Variants in F10 observed in about 807,000 individuals in gnomAD.
F10 encodes Stuart-Prower factor.
In F10, 29 loss-of-function variants were observed where a neutral mutation model predicts 37.1. The observed-to-expected ratio is 0.78, with a 90% confidence interval of 0.58 to 1.07. F10 has a LOEUF of 1.07. Among genes scored for constraint, F10 ranks in the 50% least tolerant of loss-of-function variants. The probability of loss-of-function intolerance (pLI) is 0.00; values close to 1 mark genes in which losing one functional copy is unlikely to be tolerated. For synonymous variants in F10, 262 were observed against 268.6 expected (o/e 0.98, Z 0.24); for missense variants, 539 against 667.9 (o/e 0.81, Z 2.13).
rs2036561742 is a variant in F10 at position 113,144,402 on chromosome 13, G to A, written c.747+307G>A. Among the ~76,000 whole-genome samples, 1 of 152,234 alleles carries A rather than the reference G, an allele frequency of 6.6e-6. No homozygotes were observed. Among genetic ancestry groups the A allele is most frequent in the Admixed American group, 6.5e-5 (1 of 15,288 alleles). On this transcript the variant is annotated intron_variant, in intron 6 of 7. Transcript: ENST00000375559. The surrounding 1 kb of genome is among the most constrained non-coding windows in gnomAD (Gnocchi z 6.4). Reference sequence around the variant, plus strand: ...GGCATGCCCAGGACGATGCTGTCCTGTGAAACAGAAGAGAGGGAGAAGGCG... The same window carrying A: ...GGCATGCCCAGGACGATGCTGTCCTATGAAACAGAAGAGAGGGAGAAGGCG...
At chr13:113,135,070 G>C (rs958103910) in intron 2 of F10, among the ~76,000 whole-genome samples, 1 of 151,788 alleles carries the variant, frequency 6.6e-6, no homozygotes, top group Non-Finnish European at 1.5e-5. Flanking sequence ...GTGAAACCCC[G>C]TCTCTACTAA....
intron 2 of F10, among the ~76,000 whole-genome samples, chr13:113,138,224 A>G (rs2036496808): frequency 6.6e-6 from 1 of 152,234 alleles, no homozygotes; most frequent in Non-Finnish European, 1.5e-5. Flanking sequence ...AATATTTTCA[A>G]TATTCAACAA....
At chr13:113,148,469 T>C (rs192684761) in intron 7 of F10, among the ~76,000 whole-genome samples, 69 of 151,922 alleles carry the variant, frequency 4.5e-4, no homozygotes, top group African/African-American at 1.4e-3. Flanking sequence ...ACTTTTTCCA[T>C]GTGTAATCAT....
rs934423705 is a variant in F10 at position 113,143,668 on chromosome 13, C to T, written c.503-183C>T. On this transcript the variant is annotated intron_variant, in intron 5 of 7. Coordinates refer to ENST00000375559, the MANE Select transcript of F10 (RefSeq NM_000504.4). This position sits in a 1 kb window ranked among gnomAD's most constrained non-coding sequence, Gnocchi z 6.8. ...GGGGAGGCCAACGCTCGGACAGCTG[C>T]GCTCACCTGCAGATCCGACCCCTGC... is the stretch of plus-strand genomic sequence containing the variant. Among the ~76,000 whole-genome samples, 3 of 152,106 alleles carry T rather than the reference C, an allele frequency of 2.0e-5. No individual in the cohort carries two copies. Among genetic ancestry groups the T allele is most frequent in the Non-Finnish European group, 2.9e-5 (2 of 68,016 alleles).
chr13:113,134,328 CTGGG>C (rs1190063392), intron 2 of F10, among the ~76,000 whole-genome samples: 1 of 152,176 alleles, frequency 6.6e-6, no homozygotes, highest in African/African-American at 2.4e-5. Context: ...CTACCCGAGA[CTGGG>C]TAATTTATAA....
At chr13:113,142,978 C>G (rs1049222666) in intron 5 of F10, among the ~76,000 whole-genome samples, 5 of 151,944 alleles carry the variant, frequency 3.3e-5, no homozygotes, top group Non-Finnish European at 7.4e-5. Context: ...GAACTCAGAA[C>G]TTGGAAGGGT....
intron 2 of F10, chr13:113,130,129 G>A (rs693335): frequency 2.5e-4 from 48 of 193,492 alleles, no homozygotes; most frequent in Non-Finnish European, 4.4e-4. Context: ...GAGGCCGGGC[G>A]GCGAACCCGG....
At chr13:113,142,307 C>T (rs1466094734) in intron 5 of F10, among the ~76,000 whole-genome samples, 1 of 151,698 alleles carries the variant, frequency 6.6e-6, no homozygotes, top group Non-Finnish European at 1.5e-5. Flanking sequence ...TTTGGGAGGC[C>T]AAGGCGGGCG....
chr13:113,122,920 A>G lies in F10; in HGVS notation c.65A>G (p.Glu22Gly), dbSNP rs778995263. ...CTGGCTGGCCTCCTGCTGCTCGGGG[A>G]AAGTCGTAAGTGCCCCTCGCCCTTC... is the stretch of plus-strand genomic sequence containing the variant. ...ASLAGLLLLG[E>G]SLFIRREQAN... Residue 22 changes from glutamate (E) to glycine (G), a missense_variant, in exon 1 of 8, where the codon GAA becomes GGA. By Grantham distance (98) the Glu-to-Gly change is moderately conservative (BLOSUM62 -2). Transcript: ENST00000375559. 36 of 1,609,738 alleles carry G rather than the reference A, an allele frequency of 2.2e-5. No individual in the cohort carries two copies. The highest frequency in any genetic ancestry group is 3.0e-5 in the Non-Finnish European group (35 of 1,179,992).
intron 2 of F10, among the ~76,000 whole-genome samples, chr13:113,135,255 A>C (rs2036468100): frequency 6.6e-6 from 1 of 152,102 alleles, no homozygotes; most frequent in South Asian, 2.1e-4. Flanking sequence ...AAAAAAAAAA[A>C]AACAAAAGAA....
chr13:113,127,489 G>C (rs1023379478), intron 1 of F10, among the ~76,000 whole-genome samples: 1 of 152,184 alleles, frequency 6.6e-6, no homozygotes, highest in Non-Finnish European at 1.5e-5. Flanking sequence ...AAAATGAAAA[G>C]AGGAGGAGGA....
In F10 at chr13:113,139,478, C is replaced by A; in HGVS notation, c.370+8C>A. 1 of 1,608,680 alleles carries A rather than the reference C, an allele frequency of 6.2e-7. No homozygotes were observed. The highest frequency in any genetic ancestry group is 8.5e-7 in the Non-Finnish European group (1 of 1,175,100). On this transcript the variant is annotated splice_region_variant and intron_variant, in intron 4 of 7. Transcript: ENST00000375559. This position sits in a 1 kb window ranked among gnomAD's most constrained non-coding sequence, Gnocchi z 5.2. ...GCAAAAACTGTGAATTATGTAGGTT[C>A]CTCTGCTTGGTATACCTTCAGATCA...
In F10 at chr13:113,143,859, C is replaced by G. The variant is rs750596530; in HGVS notation, c.511C>G (p.Pro171Ala). ...GKACIPTGPY[P>A]CGKQTLERRK... ...CGTCCTCTTTCTTTCAGGGCCCTAC[C>G]CCTGTGGGAAACAGACCCTGGAACG... is the stretch of plus-strand genomic sequence containing the variant. The change falls in exon 6 of 8, where the codon CCC becomes GCC. Residue 171 changes from proline (P) to alanine (A), a missense_variant. Physicochemically the swap from Pro to Ala is conservative, Grantham distance 27. Coordinates refer to ENST00000375559, the MANE Select transcript of F10 (RefSeq NM_000504.4). This position sits in a 1 kb window ranked among gnomAD's most constrained non-coding sequence, Gnocchi z 6.8. 1 of 1,612,556 alleles carries G rather than the reference C, an allele frequency of 6.2e-7. No individual in the cohort carries two copies. The highest frequency in any genetic ancestry group is 8.5e-7 in the Non-Finnish European group (1 of 1,180,022).
Position 113,139,929 on chromosome 13 carries a change from CATTT to C in F10, c.370+461_370+464del, listed in dbSNP as rs1380714373. Among the ~76,000 whole-genome samples the C allele has an allele frequency of 6.6e-6, 1 of 152,168 alleles. No individual in the cohort carries two copies. The highest frequency in any genetic ancestry group is 2.4e-5 in the African/African-American group (1 of 41,440). ...ATTGGCCAATTATAAAAATTTGATA[CATTT>C]AATTAGTTCTACGTGGAAAAATCAC... On this transcript the variant is annotated intron_variant, in intron 4 of 7. Coordinates refer to ENST00000375559, the MANE Select transcript of F10 (RefSeq NM_000504.4). This position sits in a 1 kb window ranked among gnomAD's most constrained non-coding sequence, Gnocchi z 5.2.
intron 2 of F10, among the ~76,000 whole-genome samples, chr13:113,137,448 A>G (rs1305802374): frequency 2.0e-5 from 3 of 152,192 alleles, no homozygotes; most frequent in African/African-American, 7.2e-5. Flanking sequence ...CCATGTGTTG[A>G]AATTCATAGA....
At chr13:113,148,360 A>ATATATATG (rs1566922295) in intron 7 of F10, among the ~76,000 whole-genome samples, 1 of 99,358 alleles carries the variant, frequency 1.0e-5, no homozygotes, top group African/African-American at 3.7e-5. Flanking sequence ...ATATATATAT[A>ATATATATG]TATGTATATA....
chr13:113,134,240 T>G lies in F10; in HGVS notation c.232-4217T>G, dbSNP rs562871009. Among the ~76,000 whole-genome samples the G allele has an allele frequency of 3.3e-5, 5 of 152,248 alleles. No individual in the cohort carries two copies. In the East Asian group the frequency reaches 7.7e-4, roughly 23 times the overall value. ...TTATCACTATTTGAAGATGACATGA[T>G]CATGCATATAGAAAATCCTAAAGAA... On this transcript the variant is annotated intron_variant, in intron 2 of 7. Transcript: ENST00000375559.
chr13:113,129,973 C>T (rs1185206930), intron 2 of F10: 3 of 345,554 alleles, frequency 8.7e-6, no homozygotes, highest in Non-Finnish European at 1.7e-5. Context: ...GAGCTGAGAT[C>T]GTGCCCTCCC....
At position 113,144,107 on chromosome 13, in the gene F10, A is replaced by G. The variant is rs767702668; in HGVS notation, c.747+12A>G. On this transcript the variant is annotated intron_variant, in intron 6 of 7. Transcript: ENST00000375559. The surrounding 1 kb of genome is among the most constrained non-coding windows in gnomAD (Gnocchi z 6.4). ...AGTGTCCCTGGCAGGTAACAGTAGG[A>G]TGTCCCCTCGGGCCTGCTGGAGAGA... 1.2e-5 allele frequency: 19 copies of G among 1,613,328 alleles called. No individual in the cohort carries two copies. Among genetic ancestry groups the G allele is most frequent in the Admixed American group, 6.7e-5 (4 of 60,006 alleles).
Sources: gnomAD v4.1 joint callset for allele counts (sites outside exome capture counted in the v4.1 genomes callset) on GRCh38, gnomAD v4.1.1 for gene constraint, Gnocchi (gnomAD v3.1) non-coding constraint, MANE v1.5 for transcripts, NCBI Gene and HGNC (gene_info 2026-07-23, HGNC 2026-07-21) for gene names.